The following DCP1B variants were observed in gnomAD, a reference collection of about 807,000 sequenced individuals.
The protein encoded by DCP1B is mRNA-decapping enzyme 1B.
DCP1B carries 47 observed loss-of-function variants against 60.5 expected under a neutral mutation model. That is an observed-to-expected ratio of 0.78 (90% confidence interval 0.61 to 0.99). The LOEUF (loss-of-function observed/expected upper bound fraction) is 0.99. Ranked by LOEUF, DCP1B falls within the 50% of genes least tolerant of loss-of-function variation. The pLI, the probability that DCP1B is intolerant of heterozygous loss-of-function variation, is 0.00. For missense variants in DCP1B, 725 were observed against 756.8 expected, an observed-to-expected ratio of 0.96 and a Z score of 0.49; for synonymous variants, 267 against 280.3, an observed-to-expected ratio of 0.95 and a Z score of 0.47.
downstream of DCP1B, among the ~76,000 whole-genome samples, chr12:1,943,557 C>T (rs571118364): frequency 5.3e-5 from 8 of 152,230 alleles, no homozygotes; most frequent in South Asian, 2.1e-4. Flanking sequence ...ACTGGCAAAC[C>T]GAATCCAGCA....
At chr12:1,954,131 G>A (rs1412243014) in intron 6 of DCP1B, among the ~76,000 whole-genome samples, 2 of 151,730 alleles carry the variant, frequency 1.3e-5, no homozygotes, top group Non-Finnish European at 2.9e-5. Flanking sequence ...GCAGTGAGCT[G>A]AGATGGTGCC....
intron 6 of DCP1B, 124 bp from the exon 7 acceptor site, chr12:1,953,412 AAAT>A (rs569917295): frequency 6.6e-4 from 765 of 1,155,402 alleles, no homozygotes; most frequent in Admixed American, 1.1e-3. Flanking sequence ...AGAGAATGAA[AAAT>A]AATAATAATA....
At chr12:1,968,053 T>C in intron 3 of DCP1B, 143 bp from the exon 4 acceptor site, 3 of 729,978 alleles carry the variant, frequency 4.1e-6, no homozygotes, top group Non-Finnish European at 6.6e-6. Context: ...AAAGCAATCA[T>C]TGGGGTTAAA....
rs1302551386 is a variant in DCP1B, at chr12:1,962,550, C to A, written c.522+3008G>T. The stretch of plus-strand genomic sequence containing the variant: ...AAGTTCCTGGAGGGCAGAAATGTCA[C>A]CTTTTGAAGATTAATCTTTAGTGTG... On this transcript the variant is annotated intron_variant, in intron 5 of 8. Coordinates refer to ENST00000280665, the MANE Select transcript of DCP1B (RefSeq NM_152640.5). This position sits in a 1 kb window ranked among gnomAD's most constrained non-coding sequence, Gnocchi z 4.4. Among the ~76,000 whole-genome samples, 1 of 151,980 alleles carries A rather than the reference C, an allele frequency of 6.6e-6. No homozygotes were observed. The highest frequency in any genetic ancestry group is 1.5e-5 in the Non-Finnish European group (1 of 67,982).
intron 3 of DCP1B, among the ~76,000 whole-genome samples, chr12:1,985,864 G>A (rs940287601): frequency 1.3e-5 from 2 of 152,016 alleles, no homozygotes; most frequent in Non-Finnish European, 2.9e-5. Flanking sequence ...AGGCTGGAGT[G>A]CAGTGGTGCG....
At chr12:1,993,432 T>C (rs1206839964) in intron 2 of DCP1B, 41 bp from the exon 3 acceptor site, 3 of 1,594,042 alleles carry the variant, frequency 1.9e-6, no homozygotes, top group African/African-American at 2.7e-5. Context: ...AATAGACAAA[T>C]TGCTTAGTAT....
Position 2,004,441 on chromosome 12 carries a change from C to G in DCP1B, c.-10G>C. 6.2e-7 allele frequency: 1 copy of G among 1,603,864 alleles called. No homozygotes were observed. Among genetic ancestry groups the G allele is most frequent in the African/African-American group, 1.3e-5 (1 of 74,952 alleles). ...CCGCCACGGCTGCCATCTTCCCTCC[C>G]TCCCAGACATAGGCACGGGGCTCTT... On this transcript the variant is annotated 5_prime_UTR_variant, in exon 1 of 9. Coordinates refer to ENST00000280665, the MANE Select transcript of DCP1B (RefSeq NM_152640.5).
chr12:1,979,955 T>TA (rs746543548), intron 3 of DCP1B, among the ~76,000 whole-genome samples: 149 of 151,840 alleles, frequency 9.8e-4, no homozygotes, highest in Non-Finnish European at 1.2e-3. Context: ...CCCAGAAAAT[T>TA]AAAAAAAACA....
At chr12:1,977,243 G>A (rs964601492) in intron 3 of DCP1B, among the ~76,000 whole-genome samples, 1 of 152,160 alleles carries the variant, frequency 6.6e-6, no homozygotes, top group African/African-American at 2.4e-5. Flanking sequence ...AGCTTAAAAA[G>A]CACAGATCTG....
intron 3 of DCP1B, among the ~76,000 whole-genome samples, chr12:1,977,757 GTA>G (rs1212388433): frequency 7.2e-5 from 11 of 152,104 alleles, no homozygotes; most frequent in East Asian, 3.9e-4. Flanking sequence ...TGCATTCTAA[GTA>G]TAGTGAGCAA....
chr12:1,995,031 AG>A (rs1281520459), intron 2 of DCP1B, among the ~76,000 whole-genome samples: 1 of 151,828 alleles, frequency 6.6e-6, no homozygotes, highest in Non-Finnish European at 1.5e-5. Flanking sequence ...CCCATTCTTG[AG>A]GAGTTAGATT....
At position 2,004,414 on chromosome 12, in the gene DCP1B, T is replaced by A. The variant is rs371488846; in HGVS notation, c.18A>T (p.Ala6=). The part of the protein sequence containing the change: MAAVA[A]GGLVGKGRDI... ...CGCGCCCCTTTCCCACCAGGCCGCC[T>A]GCCGCCACGGCTGCCATCTTCCCTC... The change falls in exon 1 of 9, where the codon GCA becomes GCT. Residue 6 remains alanine, a synonymous_variant. Coordinates refer to ENST00000280665, the MANE Select transcript of DCP1B (RefSeq NM_152640.5). The A allele has an allele frequency of 3.5e-5, 57 of 1,610,474 alleles. No individual in the cohort carries two copies. The highest frequency in any genetic ancestry group is 6.7e-5 in the East Asian group (3 of 44,814).
In DCP1B at chr12:1,962,479, A is replaced by G. The variant is rs918280620; in HGVS notation, c.522+3079T>C. Among the ~76,000 whole-genome samples, 7 of 152,198 alleles carry G rather than the reference A, an allele frequency of 4.6e-5. No homozygotes were observed. ...AAAGAAAGGAAAATAATTTTTTTCAATATTTGTATTTATTTACCATTGTTA... is the reference window on the plus strand; with the variant it reads ...AAAGAAAGGAAAATAATTTTTTTCAGTATTTGTATTTATTTACCATTGTTA... On this transcript the variant is annotated intron_variant, in intron 5 of 8. Coordinates refer to ENST00000280665, the MANE Select transcript of DCP1B (RefSeq NM_152640.5). This position sits in a 1 kb window ranked among gnomAD's most constrained non-coding sequence, Gnocchi z 4.4.
chr12:1,981,649 A>C (rs1476848429), intron 3 of DCP1B, among the ~76,000 whole-genome samples: 1 of 152,220 alleles, frequency 6.6e-6, no homozygotes, highest in Non-Finnish European at 1.5e-5. Flanking sequence ...GTTACTGCCA[A>C]AACCCAACAC....
At chr12:1,956,152 T>C (rs1012035670) in intron 5 of DCP1B, among the ~76,000 whole-genome samples, 1 of 152,204 alleles carries the variant, frequency 6.6e-6, no homozygotes, top group Admixed American at 6.5e-5. Flanking sequence ...TAGAATTTTG[T>C]AGAGAAAGAG....
intron 5 of DCP1B, chr12:1,961,188 C>T (rs1392351546): frequency 6.6e-6 from 1 of 152,200 alleles, no homozygotes; most frequent in Non-Finnish European, 1.5e-5. Context: ...AAAGCACTCT[C>T]AGGAAGCAAA....
At chr12:1,972,253 CACA>C (rs2154458445) in intron 3 of DCP1B, among the ~76,000 whole-genome samples, 1 of 152,342 alleles carries the variant, frequency 6.6e-6, no homozygotes, top group Non-Finnish European at 1.5e-5. Flanking sequence ...AAGTCTTCCT[CACA>C]AGAGTAGAAT....
rs2030416535 is a variant in DCP1B at position 1,946,241 on chromosome 12, T to G, written c.1819A>C (p.Ser607Arg). Residue 607 changes from serine to arginine, a missense_variant, in exon 9 of 9, where the codon AGC (serine) becomes CGC (arginine). Transcript: ENST00000280665. ...TTTTTCATGGCTGCTTGAGTCATGC[T>G]GAAGAGATAGGCTTCATAGATTATA... ...LNIIYEAYLF[S>R]MTQAAMKKTM The G allele has an allele frequency of 6.2e-7, 1 of 1,608,736 alleles. No homozygotes were observed. Among genetic ancestry groups the G allele is most frequent in the African/African-American group, 1.3e-5 (1 of 74,680 alleles).
At chr12:1,997,908 T>C in intron 2 of DCP1B, 27 bp downstream of exon 2, 1 of 1,572,254 alleles carries the variant, frequency 6.4e-7, no homozygotes, top group Non-Finnish European at 8.7e-7. Flanking sequence ...GAAGATTAGT[T>C]TCTTTATAAA....
Sources: gnomAD v4.1 joint callset for allele counts (sites outside exome capture counted in the v4.1 genomes callset) on GRCh38, gnomAD v4.1.1 for gene constraint, Gnocchi (gnomAD v3.1) non-coding constraint, MANE v1.5 for transcripts, NCBI Gene and HGNC (gene_info 2026-07-23, HGNC 2026-07-21) for gene names.